The following KIAA0586 variants were observed in gnomAD, a reference collection of about 807,000 sequenced individuals.
The protein encoded by KIAA0586 is protein TALPID3.
Under a neutral mutation model 169.8 loss-of-function variants are expected in KIAA0586, and 144 were observed. That is an observed-to-expected ratio of 0.85 (90% CI 0.74 to 0.97). The LOEUF (loss-of-function observed/expected upper bound fraction) is 0.97. Among genes scored for constraint, KIAA0586 ranks in the 50% least tolerant of loss-of-function variants. The pLI is 0.00. For missense variants in KIAA0586, 1,854 were observed against 1,823.0 expected (o/e 1.02, Z -0.31); for synonymous variants, 625 against 612.4 (o/e 1.02, Z -0.30).
intron 20 of KIAA0586, among the ~76,000 whole-genome samples, chr14:58,477,940 CCTT>C (rs1391766100): frequency 1.3e-5 from 2 of 151,970 alleles, no homozygotes; most frequent in Admixed American, 1.3e-4. Context: ...TCCACCTCCT[CCTT>C]GTTTTTTTGA....
chr14:58,534,854 T>G (rs1168419622), intron 29 of KIAA0586, among the ~76,000 whole-genome samples: 1 of 152,232 alleles, frequency 6.6e-6, no homozygotes, highest in Admixed American at 6.5e-5. Flanking sequence ...TTCTTCCATT[T>G]TAACTTTTTT....
At chr14:58,464,017 A>G in intron 14 of KIAA0586, 1 of 451,218 alleles carries the variant, frequency 2.2e-6, no homozygotes, top group Non-Finnish European at 4.5e-6. Context: ...TGCAAGATAA[A>G]TTTCAGACTA....
At chr14:58,515,634 TTAAGA>T (rs2044697380) in intron 29 of KIAA0586, among the ~76,000 whole-genome samples, 2 of 152,222 alleles carry the variant, frequency 1.3e-5, no homozygotes, top group South Asian at 2.1e-4. Flanking sequence ...TTTAAAAATC[TTAAGA>T]TATGATAGGG....
At chr14:58,537,209 T>G in intron 29 of KIAA0586, 1 of 1,025,684 alleles carries the variant, frequency 9.7e-7, no homozygotes, top group Non-Finnish European at 1.2e-6. Flanking sequence ...AGTGGTCAAC[T>G]CTGATACTGT....
chr14:58,453,524 G>T, intron 9 of KIAA0586, 51 bp downstream of exon 9: 1 of 1,273,694 alleles, frequency 7.9e-7, no homozygotes. Context: ...GTTTTGTTAA[G>T]ATTTTTCAAA....
Position 58,474,647 on chromosome 14 carries a change from T to C in KIAA0586, c.2675T>C (p.Ile892Thr). ...KCDEIPDSEPILEFNRSVKAD... is the reference protein window; with the variant it reads ...KCDEIPDSEPTLEFNRSVKAD... ...GATGAAATTCCAGACTCTGAACCAA[T>C]TCTGGAGTTTAACAGAAGTGTTAAA... Residue 892 changes from isoleucine (I) to threonine (T), a missense_variant, in exon 19 of 31, where the codon ATT becomes ACT. Physicochemically the swap from Ile to Thr is moderately conservative, Grantham distance 89. Transcript: ENST00000652326. The C allele has an allele frequency of 5.0e-6, 8 of 1,602,558 alleles. No homozygotes were observed. Among genetic ancestry groups the C allele is most frequent in the African/African-American group, 1.3e-5 (1 of 74,386 alleles).
At chr14:58,542,227 C>T (rs10130757) in intron 30 of KIAA0586, among the ~76,000 whole-genome samples, 6,736 of 152,046 alleles carry the variant, frequency 0.044, 454 homozygotes, top group African/African-American at 0.15. Flanking sequence ...GCCTGTAATC[C>T]CAGCACTTTG....
At chr14:58,477,420 T>C (rs1486090154) in intron 20 of KIAA0586, among the ~76,000 whole-genome samples, 179 bp downstream of exon 20, 2 of 152,220 alleles carry the variant, frequency 1.3e-5, no homozygotes, top group African/African-American at 4.8e-5. Context: ...TTATTTCATA[T>C]TGCAGCTTTC....
chr14:58,455,671 C>CGTGTGTGTGTGT (rs113621863), intron 9 of KIAA0586, among the ~76,000 whole-genome samples: 3 of 150,022 alleles, frequency 2.0e-5, no homozygotes, highest in Non-Finnish European at 3.0e-5. Context: ...CCATGGATTA[C>CGTGTGTGTGTGT]GTGTGTGTGT....
At chr14:58,487,219 C>A in intron 22 of KIAA0586, 53 bp downstream of exon 22, 1 of 1,463,430 alleles carries the variant, frequency 6.8e-7, no homozygotes, top group East Asian at 2.3e-5. Flanking sequence ...TATTAAATTT[C>A]ATGATTTGTA....
At chr14:58,459,557 G>A (rs1423831729) in intron 12 of KIAA0586, among the ~76,000 whole-genome samples, 1 of 152,022 alleles carries the variant, frequency 6.6e-6, no homozygotes, top group East Asian at 1.9e-4. Flanking sequence ...ACATCAAAAA[G>A]TATAAGAAGG....
chr14:58,465,743 T>G, intron 14 of KIAA0586, 92 bp from the exon 15 acceptor site: 1 of 785,500 alleles, frequency 1.3e-6, no homozygotes, highest in East Asian at 2.8e-5. Context: ...AGAATTAAGA[T>G]TTTTCTGTGA....
chr14:58,553,609 G>T (rs1031002866), downstream of KIAA0586, among the ~76,000 whole-genome samples: 4 of 151,482 alleles, frequency 2.6e-5, no homozygotes, highest in African/African-American at 9.7e-5. Context: ...AAGATCTCAG[G>T]TAAGCTGTTT....
At chr14:58,521,090 AG>A (rs1390119161) in intron 29 of KIAA0586, 1 of 436,444 alleles carries the variant, frequency 2.3e-6, no homozygotes, top group African/African-American at 2.0e-5. Context: ...CTTGAGCAGC[AG>A]TTGGCTTCTC....
intron 5 of KIAA0586, among the ~76,000 whole-genome samples, chr14:58,443,453 C>T (rs1177110256): frequency 6.6e-6 from 1 of 152,222 alleles, no homozygotes; most frequent in Non-Finnish European, 1.5e-5. Context: ...GACGGAGTCT[C>T]ACTCTGTTGC....
chr14:58,519,064 G>A (rs373022648), intron 29 of KIAA0586, among the ~76,000 whole-genome samples: 54 of 152,320 alleles, frequency 3.5e-4, no homozygotes, highest in African/African-American at 1.2e-3. Flanking sequence ...CCTAGGAGGC[G>A]GAGGTTGCAG....
At chr14:58,554,219 C>A (rs951908601), downstream of KIAA0586, among the ~76,000 whole-genome samples, 9 of 151,764 alleles carry the variant, frequency 5.9e-5, no homozygotes, top group Admixed American at 3.9e-4. Flanking sequence ...AGTCATATGT[C>A]CAAGCCCAGA....
chr14:58,429,575 A>G lies in KIAA0586; in HGVS notation c.270+142A>G. 6.4e-6 allele frequency: 4 copies of G among 628,862 alleles called. No individual in the cohort carries two copies. The South Asian group carries it at 7.9e-5, about 12-fold the overall frequency. The allele number at this position is 628,862 out of a possible 1,614,324, so 39.0% of individuals were successfully genotyped here. On this transcript the variant is annotated intron_variant, in intron 2 of 30. Transcript: ENST00000652326. ...CCAAAACAAATGTTTTATATACTAC[A>G]ATTGTGACTTTGAATGGTGTTTGAG... is the stretch of plus-strand genomic sequence containing the variant.
chr14:58,501,901 C>T (rs1466677944), intron 27 of KIAA0586, among the ~76,000 whole-genome samples: 4 of 152,128 alleles, frequency 2.6e-5, no homozygotes, highest in Non-Finnish European at 5.9e-5. Context: ...TAGTGGCTTA[C>T]CTGGGTGGTT....
Sources: allele counts gnomAD v4.1 joint callset (sites outside exome capture counted in the v4.1 genomes callset), GRCh38; gene constraint gnomAD v4.1.1; transcripts MANE v1.5; gene names NCBI Gene and HGNC (gene_info 2026-07-23, HGNC 2026-07-21).